The following DAB1 variants were observed in gnomAD, a reference collection of about 807,000 sequenced individuals.
DAB1 encodes disabled homolog 1.
Under a neutral mutation model 64.6 loss-of-function variants are expected in DAB1, and 15 were observed. That is an observed-to-expected ratio of 0.23 (90% CI 0.16 to 0.36). The LOEUF is 0.36. Among genes scored for constraint, DAB1 ranks in the 10% least tolerant of loss-of-function variants. The pLI, the probability that DAB1 is intolerant of heterozygous loss-of-function variation, is 1.00. For missense variants in DAB1, 596 were observed against 706.7 expected (o/e 0.84, Z 1.78); for synonymous variants, 235 against 251.9 (o/e 0.93, Z 0.64).
intron 6 of DAB1, among the ~76,000 whole-genome samples, chr1:57,725,245 C>T (rs536614793): frequency 8.5e-4 from 130 of 152,294 alleles, no homozygotes; most frequent in South Asian, 8.5e-3. Flanking sequence ...CATGCAGGAA[C>T]GATTACTTGC....
chr1:57,977,989 C>T (rs923221662), intron 5 of DAB1, among the ~76,000 whole-genome samples: 1 of 152,146 alleles, frequency 6.6e-6, no homozygotes, highest in Non-Finnish European at 1.5e-5. Context: ...GCCATACTGC[C>T]CAAAGTAATT....
At chr1:58,225,641 G>C (rs1398656011) in intron 4 of DAB1, among the ~76,000 whole-genome samples, 2 of 151,882 alleles carry the variant, frequency 1.3e-5, no homozygotes, top group Non-Finnish European at 1.5e-5. Context: ...CATAAAAAAG[G>C]ATGAGTTCAT....
Position 57,187,551 on chromosome 1 carries a change from C to T in DAB1, c.68-42122G>A, listed in dbSNP as rs774699244. Among the ~76,000 whole-genome samples the T allele has an allele frequency of 4.6e-5, 7 of 152,202 alleles. No homozygotes were observed. The South Asian group carries it at 1.2e-3, about 27-fold the overall frequency. Reference sequence around the variant, plus strand: ...AAAAATCTGGGGCAGGTGGCTACTGCTCTGACACTGCACTTCCCTTGGGGC... The same window carrying T: ...AAAAATCTGGGGCAGGTGGCTACTGTTCTGACACTGCACTTCCCTTGGGGC... On this transcript the variant is annotated intron_variant, in intron 2 of 14. Coordinates refer to ENST00000371236, the MANE Select transcript of DAB1 (RefSeq NM_001365792.1).
At chr1:58,219,291 G>A (rs1659033015) in intron 4 of DAB1, among the ~76,000 whole-genome samples, 1 of 152,086 alleles carries the variant, frequency 6.6e-6, no homozygotes, top group Non-Finnish European at 1.5e-5. Flanking sequence ...AAGGAAAGAA[G>A]GAAGGAAATG....
intron 7 of DAB1, among the ~76,000 whole-genome samples, chr1:57,549,640 G>A (rs1880443): frequency 0.24 from 35,894 of 152,084 alleles, 4,461 homozygotes; most frequent in South Asian, 0.41. Context: ...TCAGTTGAAT[G>A]CCTCGAATAA....
chr1:58,164,666 G>A (rs1268542227), intron 4 of DAB1, among the ~76,000 whole-genome samples: 1 of 152,322 alleles, frequency 6.6e-6, no homozygotes, highest in East Asian at 1.9e-4. Flanking sequence ...TGCTACCAGT[G>A]AGATGAGTGT....
chr1:58,197,548 C>G (rs775818560), intron 4 of DAB1, among the ~76,000 whole-genome samples: 3 of 151,816 alleles, frequency 2.0e-5, no homozygotes, highest in Non-Finnish European at 2.9e-5. Context: ...CGCGCCACTA[C>G]ACCCAGCTAG....
chr1:58,483,112 TG>T (rs1037013114), intron 3 of DAB1, among the ~76,000 whole-genome samples: 5 of 152,312 alleles, frequency 3.3e-5, no homozygotes, highest in African/African-American at 9.6e-5. Flanking sequence ...TTTCAGAACA[TG>T]TAAGATTGCA....
chr1:58,291,820 C>A (rs1234019980), intron 4 of DAB1, among the ~76,000 whole-genome samples: 1 of 152,174 alleles, frequency 6.6e-6, no homozygotes, highest in Non-Finnish European at 1.5e-5. Context: ...AAATCTAAAT[C>A]CAAAACCCAT....
intron 5 of DAB1, among the ~76,000 whole-genome samples, chr1:58,142,486 G>A (rs1654344866): frequency 6.6e-6 from 1 of 152,168 alleles, no homozygotes; most frequent in South Asian, 2.1e-4. Flanking sequence ...TTGATCTAGG[G>A]GAGATGGGCA....
At chr1:58,131,734 GC>G (rs1327626565) in intron 5 of DAB1, among the ~76,000 whole-genome samples, 3 of 140,978 alleles carry the variant, frequency 2.1e-5, no homozygotes, top group Non-Finnish European at 3.1e-5. Context: ...GTGTCAGTGT[GC>G]CCCTGCTGGG....
At chr1:57,006,651 C>T (rs1646080687) in intron 14 of DAB1, among the ~76,000 whole-genome samples, 1 of 152,218 alleles carries the variant, frequency 6.6e-6, no homozygotes, top group East Asian at 1.9e-4. Flanking sequence ...GGACACTGTG[C>T]CCTCCAAAAA....
At chr1:57,596,316 T>C (rs561407118) in intron 7 of DAB1, among the ~76,000 whole-genome samples, 5 of 152,352 alleles carry the variant, frequency 3.3e-5, no homozygotes, top group Non-Finnish European at 5.9e-5. Context: ...TTATTTTAAT[T>C]GTCACTTCCC....
chr1:57,554,354 G>A (rs1425678054), intron 7 of DAB1, among the ~76,000 whole-genome samples: 1 of 152,212 alleles, frequency 6.6e-6, no homozygotes, highest in Non-Finnish European at 1.5e-5. Flanking sequence ...CTAGCTTTGT[G>A]TTACTTACGT....
Position 58,119,778 on chromosome 1 carries a change from T to A in DAB1, n.387+30733A>T, listed in dbSNP as rs1652626277. Among the ~76,000 whole-genome samples, 4 of 152,300 alleles carry A rather than the reference T, an allele frequency of 2.6e-5. 1 individual carries two copies. In the South Asian group the frequency reaches 8.3e-4, roughly 32 times the overall value. On this transcript the variant is annotated intron_variant and non_coding_transcript_variant, in intron 5 of 20. Transcript: ENST00000485760. ...CTTCCTGGGGCAGCCACGTTTCCAG[T>A]CATTGCTTTATGAATCTATTCAATA... is the stretch of plus-strand genomic sequence containing the variant.
chr1:57,584,393 G>T (rs1283470460), intron 7 of DAB1, among the ~76,000 whole-genome samples: 1 of 152,300 alleles, frequency 6.6e-6, no homozygotes, highest in South Asian at 2.1e-4. Flanking sequence ...TCACAGGGCT[G>T]GTTGAGGCCT....
chr1:57,775,194 A>G (rs1364280809), intron 6 of DAB1, among the ~76,000 whole-genome samples: 2 of 151,040 alleles, frequency 1.3e-5, no homozygotes, highest in African/African-American at 4.8e-5. Context: ...TTAAAGTTTT[A>G]TTGACCTTTT....
chr1:57,479,925 G>T (rs928675159), intron 7 of DAB1, among the ~76,000 whole-genome samples: 47 of 151,894 alleles, frequency 3.1e-4, no homozygotes, highest in Admixed American at 1.2e-3. Flanking sequence ...AGGCCGAGAC[G>T]GGCGGATCAC....
intron 7 of DAB1, among the ~76,000 whole-genome samples, chr1:57,549,311 T>A (rs1164077205): frequency 6.6e-6 from 1 of 152,212 alleles, no homozygotes; most frequent in Non-Finnish European, 1.5e-5. Flanking sequence ...TTACACAATG[T>A]CTGACACATA....
Sources: allele counts gnomAD v4.1 joint callset (sites outside exome capture counted in the v4.1 genomes callset), GRCh38; gene constraint gnomAD v4.1.1; transcripts MANE v1.5; gene names NCBI Gene and HGNC (gene_info 2026-07-23, HGNC 2026-07-21).